SPEG: variants seen among roughly 807,000 people sequenced by gnomAD.
SPEG encodes the protein striated muscle preferentially expressed protein kinase.
Under a neutral mutation model 300.4 loss-of-function variants are expected in SPEG, and 114 were observed. The observed-to-expected ratio is 0.38, with a 90% CI of 0.33 to 0.44. The LOEUF is 0.44. SPEG is among the 20% of genes least tolerant of loss of function. SPEG has a pLI of 1.00. For missense variants in SPEG, 4,201 were observed against 4,586.2 expected (o/e 0.92, Z 2.43); for synonymous variants, 1,964 against 2,018.9 (o/e 0.97, Z 0.73).
At chr2:219,438,404 T>C (rs1464286096) in intron 1 of SPEG, among the ~76,000 whole-genome samples, 1 of 152,206 alleles carries the variant, frequency 6.6e-6, no homozygotes, top group East Asian at 1.9e-4. Context: ...TCTGGGTCCA[T>C]ACTGCTTGTC....
chr2:219,489,692 A>G lies in SPEG; in HGVS notation c.8674A>G (p.Lys2892Glu), dbSNP rs1693787807. ...PIPASTPQGVKPVSSSTPVYV... is the reference protein window; with the variant it reads ...PIPASTPQGVEPVSSSTPVYV... ...CCCAGCCTCCACTCCTCAAGGGGTT[A>G]AACCAGTGTCTTCCTCTACTCCTGT... The change falls in exon 36 of 41, where the codon AAA becomes GAA. Residue 2892 changes from lysine to glutamate, a missense_variant. Around this residue, in one of 4 missense-constraint regions of SPEG, gnomAD observed 1,578 missense variants for 1,506.0 expected, o/e 1.05. Transcript: ENST00000312358. The G allele has an allele frequency of 6.2e-7, 1 of 1,614,114 alleles. No homozygotes were observed. Among genetic ancestry groups the G allele is most frequent in the Non-Finnish European group, 8.5e-7 (1 of 1,180,002 alleles).
rs371546953 is a variant in SPEG at position 219,489,099 on chromosome 2, A to T, written c.8195A>T (p.Tyr2732Phe). ...HPVSSGIPDCYYNVTHLPVGV... is the reference protein window; with the variant it reads ...HPVSSGIPDCFYNVTHLPVGV... ...GTGAGCTCAGGCATCCCCGACTGTT[A>T]CTACAACGTGACCCACCTGCCAGTT... The change falls in exon 35 of 41, where the codon TAC becomes TTC. Residue 2732 changes from tyrosine to phenylalanine, a missense_variant. Around this residue, in one of 4 missense-constraint regions of SPEG, gnomAD observed 1,578 missense variants for 1,506.0 expected, o/e 1.05. Coordinates refer to ENST00000312358, the MANE Select transcript of SPEG (RefSeq NM_005876.5). 6.2e-7 allele frequency: 1 copy of T among 1,613,840 alleles called. No homozygotes were observed. Among genetic ancestry groups the T allele is most frequent in the Non-Finnish European group, 8.5e-7 (1 of 1,179,926 alleles).
At chr2:219,488,980 G>A in intron 34 of SPEG, 74 bp from the exon 35 acceptor site, 1 of 1,605,166 alleles carries the variant, frequency 6.2e-7, no homozygotes, top group South Asian at 1.1e-5. Context: ...GCCCTCCCAG[G>A]CTCCACAGAT....
intron 40 of SPEG, 73 bp from the exon 41 acceptor site, chr2:219,492,521 C>A (rs1694067522): frequency 1.3e-6 from 2 of 1,503,076 alleles, no homozygotes; most frequent in South Asian, 2.3e-5. Context: ...GGACATGGGT[C>A]TGCGGGAGGA....
Position 219,464,370 on chromosome 2 carries a change from C to A in SPEG, c.2706-63C>A. On this transcript the variant is annotated intron_variant, in intron 8 of 40. Transcript: ENST00000312358. The surrounding 1 kb of genome is among the most constrained non-coding windows in gnomAD (Gnocchi z 4.5). ...AGAGGCCTGCACAGTGCTGCAGCCC[C>A]AGTTCCTGTGCACGCACATCAGGCC... 1 of 1,515,986 alleles carries A rather than the reference C, an allele frequency of 6.6e-7. No homozygotes were observed. The highest frequency in any genetic ancestry group is 1.2e-5 in the South Asian group (1 of 82,230). 93.9% of individuals were successfully genotyped at this position (1,515,986 alleles called of 1,614,324 possible).
chr2:219,473,377 C>T lies in SPEG; in HGVS notation c.4148-127C>T. 1.0e-6 allele frequency: 1 copy of T among 1,002,496 alleles called. No homozygotes were observed. The highest frequency in any genetic ancestry group is 1.5e-6 in the Non-Finnish European group (1 of 667,400). 62.1% of individuals were successfully genotyped at this position (1,002,496 alleles called of 1,614,324 possible). On this transcript the variant is annotated intron_variant, in intron 16 of 40. Transcript: ENST00000312358. The surrounding 1 kb of genome is among the most constrained non-coding windows in gnomAD (Gnocchi z 4.6). ...GTTCCCCTGACAAATCGCTAAACCT[C>T]TCTGAGCTTCAGCTTTCCCATCTGT...
In SPEG at chr2:219,472,316, C is replaced by A; in HGVS notation, c.3925C>A (p.Leu1309Met). 1.9e-6 allele frequency: 3 copies of A among 1,613,672 alleles called. No individual in the cohort carries two copies. The highest frequency in any genetic ancestry group is 2.5e-6 in the Non-Finnish European group (3 of 1,179,940). Residue 1309 changes from leucine (L) to methionine (M), a missense_variant, in exon 15 of 41, where the codon CTG (leucine) becomes ATG (methionine). Transcript: ENST00000312358. ...VTLTWNPPRSLDMAIDPDSLT... is the reference protein window; with the variant it reads ...VTLTWNPPRSMDMAIDPDSLT... ...ACTCACATGGAACCCCCCCAGGAGT[C>A]TGGACATGGCCATCGGTGGGTCAGG...
rs764037212 is a variant in SPEG, at chr2:219,481,478, C to T, written c.5522+22C>T. The stretch of plus-strand genomic sequence containing the variant: ...GGCTGTGAGTACAAGGCCCTGGGAG[C>T]CCCCACCTGCAGGGTCACCCTCATA... On this transcript the variant is annotated intron_variant, in intron 27 of 40. Coordinates refer to ENST00000312358, the MANE Select transcript of SPEG (RefSeq NM_005876.5). The surrounding 1 kb of genome is among the most constrained non-coding windows in gnomAD (Gnocchi z 5.4). The T allele has an allele frequency of 7.4e-6, 12 of 1,612,344 alleles. No individual in the cohort carries two copies. The East Asian group carries it at 1.3e-4, about 18-fold the overall frequency.
Position 219,485,441 on chromosome 2 carries a change from G to A in SPEG, c.7705G>A (p.Glu2569Lys), listed in dbSNP as rs1371462145. 1.9e-6 allele frequency: 3 copies of A among 1,602,380 alleles called. No homozygotes were observed. The highest frequency in any genetic ancestry group is 2.3e-5 in the East Asian group (1 of 44,254). The change falls in exon 31 of 41, where the codon GAG becomes AAG. Residue 2569 changes from glutamate to lysine, a missense_variant. By Grantham distance (56) the Glu-to-Lys change is moderately conservative. Coordinates refer to ENST00000312358, the MANE Select transcript of SPEG (RefSeq NM_005876.5). ...SPPNLSASVQ[E>K]ELGHQYVRSE... is the part of the protein sequence containing the mutation. ...ACCAAACCTCTCTGCCAGCGTCCAG[G>A]AGGAGTTGGGTCACCAGTACGTGCG... is the stretch of plus-strand genomic sequence containing the variant.
At chr2:219,442,859 T>G (rs1641437436) in intron 1 of SPEG, among the ~76,000 whole-genome samples, 1 of 152,132 alleles carries the variant, frequency 6.6e-6, no homozygotes, top group South Asian at 2.1e-4. Flanking sequence ...AGCTTCCACC[T>G]GCAGCCTGCA....
chr2:219,484,606 G>C lies in SPEG; in HGVS notation c.7143G>C (p.Pro2381=). 6.4e-7 allele frequency: 1 copy of C among 1,559,778 alleles called. No individual in the cohort carries two copies. The highest frequency in any genetic ancestry group is 1.2e-5 in the South Asian group (1 of 86,424). Residue 2381 remains proline, a synonymous_variant, in exon 30 of 41, where the codon CCG becomes CCC. Coordinates refer to ENST00000312358, the MANE Select transcript of SPEG (RefSeq NM_005876.5). ...ACCGGCCCAGCCCGGCGGGGACCCC[G>C]CTGGAGCTGGTGCGACGGCCTGAGC... ...GIYRPSPAGT[P]LELVRRPERS...
intron 1 of SPEG, among the ~76,000 whole-genome samples, chr2:219,437,504 G>C (rs1954749688): frequency 6.6e-6 from 1 of 152,198 alleles, no homozygotes; most frequent in African/African-American, 2.4e-5. Context: ...GGTAAGAAAA[G>C]GGCCCTGGGT....
In SPEG at chr2:219,445,229, G is replaced by A; in HGVS notation, c.815+68G>A. ...CACGCTGTCCTGCGCTGCCCTCACTGCTCAGTCAGCCTCCACCCATCACCC... is the reference window on the plus strand; with the variant it reads ...CACGCTGTCCTGCGCTGCCCTCACTACTCAGTCAGCCTCCACCCATCACCC... On this transcript the variant is annotated intron_variant, in intron 3 of 40. Transcript: ENST00000312358. This position sits in a 1 kb window ranked among gnomAD's most constrained non-coding sequence, Gnocchi z 6.1. 7.1e-7 allele frequency: 1 copy of A among 1,407,148 alleles called. No individual in the cohort carries two copies. The highest frequency in any genetic ancestry group is 9.8e-7 in the Non-Finnish European group (1 of 1,018,380). The allele number at this position is 1,407,148 out of a possible 1,614,324, so 87.2% of individuals were successfully genotyped here. A position where few individuals can be genotyped will look rare whatever the true frequency, so the allele number is the denominator to read the frequency against.
At chr2:219,467,107 A>G in intron 9 of SPEG, 67 bp from the exon 10 acceptor site, 1 of 1,488,120 alleles carries the variant, frequency 6.7e-7, no homozygotes, top group Non-Finnish European at 9.0e-7. Flanking sequence ...GTGCGTGCGT[A>G]TGTGTGTCTC....
Position 219,484,786 on chromosome 2 carries a change from C to T in SPEG, c.7323C>T (p.Gly2441=), listed in dbSNP as rs1456436862. The change falls in exon 30 of 41, where the codon GGC becomes GGT. Residue 2441 remains glycine, a synonymous_variant. Coordinates refer to ENST00000312358, the MANE Select transcript of SPEG (RefSeq NM_005876.5). ...ARGGDGESSE[G]GSSARGSPVL... is the part of the protein sequence containing the mutation. ...GCGGGGACGGAGAGAGCTCGGAGGG[C>T]GGGAGCTCGGCGCGGGGCTCCCCGG... 6.1e-6 allele frequency: 9 copies of T among 1,468,120 alleles called. No individual in the cohort carries two copies. In the Admixed American group the frequency reaches 1.0e-4, roughly 16 times the overall value. The allele number at this position is 1,468,120 out of a possible 1,614,324, so 90.9% of individuals were successfully genotyped here.
At position 219,488,919 on chromosome 2, in the gene SPEG, G is replaced by C. The variant is rs776629067; in HGVS notation, c.8149+19G>C. The C allele has an allele frequency of 6.3e-7, 1 of 1,585,602 alleles. No individual in the cohort carries two copies. Among genetic ancestry groups the C allele is most frequent in the Non-Finnish European group, 8.6e-7 (1 of 1,166,054 alleles). On this transcript the variant is annotated intron_variant, in intron 34 of 40. Coordinates refer to ENST00000312358, the MANE Select transcript of SPEG (RefSeq NM_005876.5). ...GTGGATGGTGAGGATGGGGCAGCTG[G>C]AGGGTTGGGGGAGCGGCAGGGGGAG...
At position 219,480,639 on chromosome 2, in the gene SPEG, T is replaced by C; in HGVS notation, c.5343-32T>C. 6.2e-7 allele frequency: 1 copy of C among 1,612,826 alleles called. No homozygotes were observed. The highest frequency in any genetic ancestry group is 1.1e-5 in the South Asian group (1 of 91,032). On this transcript the variant is annotated intron_variant, in intron 25 of 40. Transcript: ENST00000312358. This position sits in a 1 kb window ranked among gnomAD's most constrained non-coding sequence, Gnocchi z 5.3. ...CTCCCTTCCAGTCAGAGAGGGGCGGTCCTCTTACCTATCACTCTCCTTTTC... is the reference window on the plus strand; with the variant it reads ...CTCCCTTCCAGTCAGAGAGGGGCGGCCCTCTTACCTATCACTCTCCTTTTC...
At chr2:219,469,633 C>G (rs1691696129) in intron 13 of SPEG, among the ~76,000 whole-genome samples, 1 of 152,202 alleles carries the variant, frequency 6.6e-6, no homozygotes, top group Non-Finnish European at 1.5e-5. Context: ...TGCTACTAAC[C>G]CGCATCGGGC....
intron 6 of SPEG, among the ~76,000 whole-genome samples, chr2:219,455,938 C>T (rs1363461228): frequency 6.6e-6 from 1 of 152,210 alleles, no homozygotes; most frequent in African/African-American, 2.4e-5. Flanking sequence ...CCAGTCCTTC[C>T]CTCAACTACA....
Sources: allele counts gnomAD v4.1 joint callset (sites outside exome capture counted in the v4.1 genomes callset), GRCh38; gene constraint gnomAD v4.1.1; regional missense constraint gnomAD v4.1.1; non-coding constraint Gnocchi (gnomAD v3.1); transcripts MANE v1.5; gene names NCBI Gene and HGNC (gene_info 2026-07-23, HGNC 2026-07-21).